The following GSE1 variants were observed in gnomAD, a reference collection of about 807,000 sequenced individuals.
The protein encoded by GSE1 is genetic suppressor element 1.
Under a neutral mutation model 112.6 loss-of-function variants are expected in GSE1, and 32 were observed. That is an observed-to-expected ratio of 0.28 (90% confidence interval 0.21 to 0.38). The LOEUF is 0.38. Among genes scored for constraint, GSE1 ranks in the 10% least tolerant of loss-of-function variants. The pLI is 1.00. For synonymous variants in GSE1, 1,115 were observed against 735.6 expected, an observed-to-expected ratio of 1.52 and a Z score of -8.35; for missense variants, 2,348 against 1,699.2, an observed-to-expected ratio of 1.38 and a Z score of -6.71.
chr16:85,187,731 C>G (rs1446184329), intron 1 of GSE1, among the ~76,000 whole-genome samples: 1 of 152,200 alleles, frequency 6.6e-6, no homozygotes, highest in Non-Finnish European at 1.5e-5. Context: ...GCTCCTCACC[C>G]ACACACAGGG....
intron 2 of GSE1, among the ~76,000 whole-genome samples, chr16:85,461,615 A>C (rs183150549): frequency 1.3e-5 from 2 of 152,290 alleles, no homozygotes; most frequent in East Asian, 1.9e-4. Flanking sequence ...TTGACTTGTC[A>C]TAAGAATCGC....
In GSE1 at chr16:85,264,332, G is replaced by A. The variant is rs76057362; in HGVS notation, c.2283+92525G>A. On this transcript the variant is annotated intron_variant, in intron 1 of 2. Coordinates refer to the GSE1 transcript ENST00000637419. ...GGAGGGAGACCCTGCGGAGGACCCC[G>A]TCTCAGATGGGCTTGGGGGACCGGG... Among the ~76,000 whole-genome samples, 360 of 152,194 alleles carry A rather than the reference G, an allele frequency of 2.4e-3. 2 individuals carry two copies. The highest frequency in any genetic ancestry group is 8.3e-3 in the African/African-American group (344 of 41,518).
intron 2 of GSE1, among the ~76,000 whole-genome samples, chr16:85,371,853 C>T (rs543316292): frequency 2.6e-5 from 4 of 152,306 alleles, no homozygotes; most frequent in South Asian, 4.1e-4. Context: ...AAGCCTAGAA[C>T]CTGAATGACC....
chr16:85,387,482 C>T (rs1311439716), intron 2 of GSE1, among the ~76,000 whole-genome samples: 2 of 152,210 alleles, frequency 1.3e-5, no homozygotes, highest in Admixed American at 1.3e-4. Context: ...CAGAACTTTG[C>T]GGGACTGGCT....
At chr16:85,669,025 C>T (rs540490165) in intron 14 of GSE1, among the ~76,000 whole-genome samples, 29 of 152,386 alleles carry the variant, frequency 1.9e-4, no homozygotes, top group Admixed American at 7.8e-4. Context: ...GAAGCCACAG[C>T]ACCAGGCGGA....
intron 2 of GSE1, among the ~76,000 whole-genome samples, chr16:85,474,551 C>T (rs1161242108): frequency 2.0e-5 from 3 of 152,130 alleles, no homozygotes; most frequent in Non-Finnish European, 4.4e-5. Flanking sequence ...ATGACCTGAC[C>T]CAGCCTTGGG....
intron 2 of GSE1, among the ~76,000 whole-genome samples, chr16:85,504,564 T>C (rs959075801): frequency 6.6e-6 from 1 of 152,120 alleles, no homozygotes. Flanking sequence ...TCAGGGACAA[T>C]TGGGTTAAAT....
intron 2 of GSE1, among the ~76,000 whole-genome samples, chr16:85,431,321 G>A (rs59953648): frequency 1.1e-4 from 17 of 152,234 alleles, no homozygotes; most frequent in Non-Finnish European, 1.6e-4. Context: ...CCCAGCCCGC[G>A]GTGCCGCATG....
chr16:85,510,807 A>AGGCCTCATGGCTCT (rs1555524762), intron 2 of GSE1, among the ~76,000 whole-genome samples: 8 of 151,492 alleles, frequency 5.3e-5, no homozygotes, highest in African/African-American at 1.7e-4. Flanking sequence ...CCTGCCTCAC[A>AGGCCTCATGGCTCT]GGCCTCATGG....
chr16:85,583,542 C>G (rs1339450818), intron 1 of GSE1: 2 of 151,542 alleles, frequency 1.3e-5, no homozygotes, highest in African/African-American at 4.9e-5. Flanking sequence ...CACACACACA[C>G]ACGCCTGAAG....
At chr16:85,187,614 A>C (rs2074733154) in intron 1 of GSE1, among the ~76,000 whole-genome samples, 1 of 151,948 alleles carries the variant, frequency 6.6e-6, no homozygotes, top group African/African-American at 2.4e-5. Flanking sequence ...TCTGCTCTTG[A>C]CCGGGAGATG....
At chr16:85,549,910 G>C (rs963367302) in intron 2 of GSE1, among the ~76,000 whole-genome samples, 1 of 152,208 alleles carries the variant, frequency 6.6e-6, no homozygotes, top group Admixed American at 6.5e-5. Flanking sequence ...TGCTGGGGCA[G>C]GTCGTAAGTA....
At chr16:85,173,881 A>T (rs896196279) in intron 1 of GSE1, among the ~76,000 whole-genome samples, 4 of 152,156 alleles carry the variant, frequency 2.6e-5, no homozygotes, top group Non-Finnish European at 5.9e-5. Context: ...TGTGGTATGG[A>T]TGTGTGCTCT....
chr16:85,469,148 C>T (rs1430655612), intron 2 of GSE1, among the ~76,000 whole-genome samples: 4 of 151,880 alleles, frequency 2.6e-5, no homozygotes, highest in Admixed American at 2.0e-4. Context: ...CCCAGCCACT[C>T]GGGAGGCTGA....
chr16:85,646,125 C>T (rs1381371901), intron 2 of GSE1, among the ~76,000 whole-genome samples: 22 of 118,952 alleles, frequency 1.8e-4, no homozygotes, highest in South Asian at 6.5e-4. Flanking sequence ...GCTTCTACCA[C>T]GCTTCCTATG....
chr16:85,459,320 T>C (rs564239434), intron 2 of GSE1, among the ~76,000 whole-genome samples: 1 of 152,260 alleles, frequency 6.6e-6, no homozygotes, highest in Admixed American at 6.5e-5. Flanking sequence ...TTGTGCAAAT[T>C]AGAAGGCACC....
At chr16:85,601,634 C>T (rs182206652) in intron 1 of GSE1, among the ~76,000 whole-genome samples, 340 of 152,294 alleles carry the variant, frequency 2.2e-3, no homozygotes, top group Middle Eastern at 6.8e-3. Context: ...CCAGGAACTT[C>T]GAGCGATGAA....
At chr16:85,502,506 C>G (rs1300131188) in intron 2 of GSE1, among the ~76,000 whole-genome samples, 1 of 152,214 alleles carries the variant, frequency 6.6e-6, no homozygotes, top group Non-Finnish European at 1.5e-5. Context: ...GAGTGAGATT[C>G]TGAGGGCAAC....
rs72813874 is a variant in GSE1 at position 85,397,406 on chromosome 16, G to A, written c.2464+39763G>A. Among the ~76,000 whole-genome samples, 1,436 of 152,356 alleles carry A rather than the reference G, an allele frequency of 9.4e-3. 14 individuals carry two copies. Among genetic ancestry groups the A allele is most frequent in the Non-Finnish European group, 0.015 (992 of 68,028 alleles). On this transcript the variant is annotated intron_variant, in intron 2 of 2. Coordinates refer to the GSE1 transcript ENST00000637419. ...TCTCCTGCGGGCGGTGTGTCCCCAA[G>A]GCAAGGCAGAGTGCATGGCACGTGT...
Sources: allele counts gnomAD v4.1 joint callset (sites outside exome capture counted in the v4.1 genomes callset), GRCh38; gene constraint gnomAD v4.1.1; transcripts MANE v1.5; gene names NCBI Gene and HGNC (gene_info 2026-07-23, HGNC 2026-07-21).